Variants in MICU3 observed in about 807,000 individuals in gnomAD.
The protein encoded by MICU3 is calcium uptake protein 3, mitochondrial.
A neutral mutation model predicts 66.5 loss-of-function variants in MICU3; 62 were observed. The ratio of observed to expected loss-of-function variants is 0.93; its 90% CI spans 0.76 to 1.15. MICU3 has a LOEUF of 1.15. Ranked by LOEUF, MICU3 falls within the 50% of genes most tolerant of loss-of-function variation. The pLI is 0.00. For missense variants in MICU3, 779 were observed against 664.4 expected, an observed-to-expected ratio of 1.17 and a Z score of -1.90; for synonymous variants, 308 against 240.7, an observed-to-expected ratio of 1.28 and a Z score of -2.59.
chr8:17,027,259 C>A lies in MICU3; in HGVS notation c.-21C>A, dbSNP rs768994977. ...CTCCGTTCTCTGCCCCCTCCCAGCT[C>A]TGGTGTGGGCGGCCTCCGCTATGGC... On this transcript the variant is annotated 5_prime_UTR_variant, in exon 1 of 15. In the 5' UTR this introduces an upstream ATG that the reference lacks. Transcript: ENST00000318063. The A allele has an allele frequency of 1.4e-6, 2 of 1,403,012 alleles. No homozygotes were observed. Among genetic ancestry groups the A allele is most frequent in the Admixed American group, 2.8e-5 (1 of 36,168 alleles). 86.9% of individuals were successfully genotyped at this position (1,403,012 alleles called of 1,614,324 possible). A position where few individuals can be genotyped will look rare whatever the true frequency, so the allele number is the denominator to read the frequency against.
chr8:17,071,216 G>T (rs1208127275), intron 3 of MICU3, among the ~76,000 whole-genome samples: 7 of 152,102 alleles, frequency 4.6e-5, no homozygotes, highest in Admixed American at 4.6e-4. Flanking sequence ...TAGTATACTA[G>T]GGCTGCTATG....
chr8:17,041,433 T>A (rs1015316715), intron 1 of MICU3, among the ~76,000 whole-genome samples: 2 of 152,154 alleles, frequency 1.3e-5, no homozygotes, highest in Non-Finnish European at 2.9e-5. Context: ...CATGGGTGAT[T>A]TTGTGAAGAC....
intron 7 of MICU3, among the ~76,000 whole-genome samples, chr8:17,087,307 C>G (rs568833891): frequency 6.6e-6 from 1 of 151,820 alleles, no homozygotes; most frequent in East Asian, 1.9e-4. Context: ...GTATATCATA[C>G]AATAGATTAA....
chr8:17,084,049 C>T (rs1168011556), intron 5 of MICU3, among the ~76,000 whole-genome samples: 1 of 152,030 alleles, frequency 6.6e-6, no homozygotes. Context: ...CCAACAGAAG[C>T]TTCTAAGGAG....
chr8:17,038,404 A>C (rs1813427219), intron 1 of MICU3, among the ~76,000 whole-genome samples: 1 of 152,200 alleles, frequency 6.6e-6, no homozygotes, highest in South Asian at 2.1e-4. Flanking sequence ...CCATGTTAAG[A>C]CATGACTTTG....
chr8:17,042,684 T>C (rs1011515282), intron 1 of MICU3, among the ~76,000 whole-genome samples: 4 of 152,164 alleles, frequency 2.6e-5, no homozygotes, highest in Non-Finnish European at 5.9e-5. Flanking sequence ...GTAGAATCTA[T>C]GTTTTCTGCT....
intron 10 of MICU3, 117 bp downstream of exon 10, chr8:17,104,608 A>C (rs1217472914): frequency 2.2e-6 from 1 of 448,810 alleles, no homozygotes; most frequent in East Asian, 3.4e-5. Flanking sequence ...TTTAAATAAG[A>C]TCCTCTGTAT....
At chr8:17,052,888 C>G (rs1028242379) in intron 1 of MICU3, among the ~76,000 whole-genome samples, 1 of 152,080 alleles carries the variant, frequency 6.6e-6, no homozygotes, top group Non-Finnish European at 1.5e-5. Context: ...CCATGCAAGT[C>G]CATAAGATTC....
the MICU3 span, among the ~76,000 whole-genome samples, chr8:17,135,307 A>T: frequency 6.6e-6 from 1 of 151,940 alleles, no homozygotes; most frequent in Non-Finnish European, 1.5e-5. Context: ...CTGAGGCAGG[A>T]GAATTGCTTG....
intron 13 of MICU3, among the ~76,000 whole-genome samples, chr8:17,117,734 G>A (rs1802819685): frequency 1.3e-5 from 2 of 151,262 alleles, no homozygotes; most frequent in Admixed American, 1.3e-4. Context: ...TCAGCCTCCT[G>A]AGTGGCTGGG....
intron 9 of MICU3, among the ~76,000 whole-genome samples, chr8:17,100,481 T>C (rs575611116): frequency 6.6e-6 from 1 of 151,938 alleles, no homozygotes; most frequent in East Asian, 1.9e-4. Flanking sequence ...TTACAACTAA[T>C]TATATAAATC....
intron 2 of MICU3, among the ~76,000 whole-genome samples, chr8:17,069,383 A>G (rs1819198790): frequency 6.6e-6 from 1 of 152,138 alleles, no homozygotes; most frequent in South Asian, 2.1e-4. Flanking sequence ...AGCCCACAAG[A>G]TGTTTAACAT....
intron 4 of MICU3, among the ~76,000 whole-genome samples, chr8:17,080,402 A>G (rs1187664709): frequency 6.6e-6 from 1 of 152,114 alleles, no homozygotes; most frequent in Non-Finnish European, 1.5e-5. Context: ...TAAAAGATGC[A>G]TAACAGTTAT....
chr8:17,087,483 G>A (rs1799597079), intron 7 of MICU3, among the ~76,000 whole-genome samples: 1 of 151,902 alleles, frequency 6.6e-6, no homozygotes, highest in African/African-American at 2.4e-5. Flanking sequence ...CTTCTTCTGG[G>A]ATATATAATA....
intron 3 of MICU3, among the ~76,000 whole-genome samples, chr8:17,076,009 C>T (rs563063968): frequency 1.1e-4 from 16 of 152,054 alleles, no homozygotes; most frequent in African/African-American, 3.6e-4. Flanking sequence ...AAAATTTATT[C>T]AGAATGTTGT....
intron 1 of MICU3, among the ~76,000 whole-genome samples, chr8:17,044,403 T>C (rs1784095658): frequency 6.6e-6 from 1 of 152,272 alleles, no homozygotes; most frequent in Non-Finnish European, 1.5e-5. Flanking sequence ...TAGATGGTAC[T>C]GTGTAATTCT....
chr8:17,130,711 G>T, the MICU3 span, among the ~76,000 whole-genome samples: 21 of 151,776 alleles, frequency 1.4e-4, no homozygotes, highest in Non-Finnish European at 2.5e-4. Flanking sequence ...CCATAGAACC[G>T]TAAGTGAGTT....
chr8:17,034,362 T>C (rs1051389914), intron 1 of MICU3, among the ~76,000 whole-genome samples: 4 of 152,240 alleles, frequency 2.6e-5, no homozygotes, highest in Non-Finnish European at 5.9e-5. Flanking sequence ...AGATCAGTGT[T>C]TTTATGTCTG....
chr8:17,039,070 A>G (rs1163122354), intron 1 of MICU3, among the ~76,000 whole-genome samples: 1 of 152,134 alleles, frequency 6.6e-6, no homozygotes, highest in Non-Finnish European at 1.5e-5. Flanking sequence ...TCAAGGCAAG[A>G]CCCTTCAGCA....
Sources: gnomAD v4.1 joint callset for allele counts (sites outside exome capture counted in the v4.1 genomes callset) on GRCh38, gnomAD v4.1.1 for gene constraint, MANE v1.5 for transcripts, NCBI Gene and HGNC (gene_info 2026-07-23, HGNC 2026-07-21) for gene names.